SOBP: variants seen among roughly 807,000 people sequenced by gnomAD.
SOBP encodes the protein sine oculis binding protein homolog.
In SOBP, 4 loss-of-function variants were observed where a neutral mutation model predicts 53.6. The observed-to-expected ratio is 0.07, with a 90% CI of 0.04 to 0.17. SOBP has a LOEUF of 0.17. Ranked by LOEUF, SOBP falls within the 10% of genes least tolerant of loss-of-function variation. SOBP has a pLI of 1.00. For synonymous variants in SOBP, 584 were observed against 522.6 expected (o/e 1.12, Z -1.60); for missense variants, 1,088 against 1,204.7 (o/e 0.90, Z 1.43).
intron 3 of SOBP, among the ~76,000 whole-genome samples, chr6:107,521,483 G>T (rs896504357): frequency 3.9e-5 from 6 of 152,104 alleles, no homozygotes; most frequent in African/African-American, 1.4e-4. Context: ...AGAAACTATG[G>T]AAATCCAGGT....
At chr6:107,580,988 T>TTA (rs1203183339) in intron 4 of SOBP, among the ~76,000 whole-genome samples, 1 of 152,162 alleles carries the variant, frequency 6.6e-6, no homozygotes, top group Non-Finnish European at 1.5e-5. Flanking sequence ...AGCGATAGCG[T>TTA]TAAAGGATAG....
At chr6:107,648,613 A>G (rs898020055) in intron 6 of SOBP, among the ~76,000 whole-genome samples, 1 of 151,784 alleles carries the variant, frequency 6.6e-6, no homozygotes, top group African/African-American at 2.4e-5. Flanking sequence ...CTAAGGCACT[A>G]TACAGCTCTG....
chr6:107,565,701 C>T (rs376629824), intron 4 of SOBP, among the ~76,000 whole-genome samples: 2 of 152,116 alleles, frequency 1.3e-5, no homozygotes, highest in Non-Finnish European at 1.5e-5. Flanking sequence ...CACCTAATCT[C>T]TAGGCAATAG....
chr6:107,625,253 G>C (rs562712530), intron 5 of SOBP, among the ~76,000 whole-genome samples: 66 of 152,204 alleles, frequency 4.3e-4, no homozygotes, highest in Non-Finnish European at 8.1e-4. Flanking sequence ...AGAGTGTCCT[G>C]GAGATATTTG....
At chr6:107,576,364 A>G (rs1348159348) in intron 4 of SOBP, among the ~76,000 whole-genome samples, 1 of 152,228 alleles carries the variant, frequency 6.6e-6, no homozygotes, top group African/African-American at 2.4e-5. Context: ...ATCTTTACAT[A>G]TATAATACTC....
intron 3 of SOBP, among the ~76,000 whole-genome samples, chr6:107,507,285 A>G (rs1783023849): frequency 6.6e-6 from 1 of 151,954 alleles, no homozygotes; most frequent in South Asian, 2.1e-4. Context: ...TTAAAACATC[A>G]TGAGATTTTT....
At chr6:107,539,288 T>A (rs764396665) in intron 4 of SOBP, among the ~76,000 whole-genome samples, 2 of 152,256 alleles carry the variant, frequency 1.3e-5, no homozygotes, top group Non-Finnish European at 2.9e-5. Flanking sequence ...ATATTTTAAA[T>A]TAAATGTGAA....
chr6:107,634,434 C>T lies in SOBP; in HGVS notation c.1590C>T (p.Ile530=). 2 of 1,607,958 alleles carry T rather than the reference C, an allele frequency of 1.2e-6. No individual in the cohort carries two copies. The highest frequency in any genetic ancestry group is 8.5e-7 in the Non-Finnish European group (1 of 1,179,818). The stretch of plus-strand genomic sequence containing the variant: ...CCCTGCTCGTGCCGTACCCCGTGAT[C>T]GTGCCCCTACCGGTGCCCATCCCCA... ...PPTLLVPYPV[I]VPLPVPIPIP... Residue 530 remains isoleucine (I), a synonymous_variant, in exon 6 of 7, where the codon ATC becomes ATT. Transcript: ENST00000317357. The surrounding 1 kb of genome is among the most constrained non-coding windows in gnomAD (Gnocchi z 4.5).
intron 3 of SOBP, among the ~76,000 whole-genome samples, chr6:107,512,409 T>C (rs138332999): frequency 1.3e-5 from 2 of 152,364 alleles, no homozygotes; most frequent in Admixed American, 6.5e-5. Flanking sequence ...CATTAAGATA[T>C]TTGGCCTTCT....
At chr6:107,616,093 G>GGGA (rs1583276111) in intron 5 of SOBP, among the ~76,000 whole-genome samples, 1 of 121,380 alleles carries the variant, frequency 8.2e-6, no homozygotes, top group Non-Finnish European at 1.7e-5. Context: ...GTGGGGGGGG[G>GGGA]GCGGGGGGGC....
intron 5 of SOBP, among the ~76,000 whole-genome samples, chr6:107,609,302 T>A (rs180895764): frequency 6.6e-6 from 1 of 152,326 alleles, no homozygotes; most frequent in African/African-American, 2.4e-5. Flanking sequence ...CAGTGAATGA[T>A]CTTTGCACCC....
At position 107,599,257 on chromosome 6, in the gene SOBP, A is replaced by AT. The variant is rs1415482875; in HGVS notation, c.669+12083dup. ...TGCTGTAAAAGCTAAATGAGGTAAT[A>AT]TATATAGTGTGCTTGTCATTTAGCA... On this transcript the variant is annotated intron_variant, in intron 5 of 6. Transcript: ENST00000317357. 5.9e-5 allele frequency among the ~76,000 whole-genome samples: 9 copies of AT among 152,336 alleles called. No individual in the cohort carries two copies. In the East Asian group the frequency reaches 1.7e-3, roughly 29 times the overall value.
chr6:107,557,651 T>C (rs771262723), intron 4 of SOBP, among the ~76,000 whole-genome samples: 6 of 152,204 alleles, frequency 3.9e-5, no homozygotes, highest in African/African-American at 7.2e-5. Context: ...TTTCACTTTA[T>C]TTGGTCCCAT....
rs1782552926 is a variant in SOBP at position 107,490,568 on chromosome 6, C to T, written c.-49C>T. Reference sequence around the variant, plus strand: ...CCGCCGCCGCCGCCACCACCACCGCCGGCGGCGGCAGCAGCCATTTCATCT... The same window carrying T: ...CCGCCGCCGCCGCCACCACCACCGCTGGCGGCGGCAGCAGCCATTTCATCT... On this transcript the variant is annotated 5_prime_UTR_variant, in exon 1 of 7. Transcript: ENST00000317357. 7.0e-7 allele frequency: 1 copy of T among 1,424,300 alleles called. No homozygotes were observed. The highest frequency in any genetic ancestry group is 9.7e-7 in the Non-Finnish European group (1 of 1,029,602). 88.2% of individuals were successfully genotyped at this position (1,424,300 alleles called of 1,614,324 possible).
At chr6:107,567,306 A>G (rs1784946680) in intron 4 of SOBP, among the ~76,000 whole-genome samples, 1 of 152,192 alleles carries the variant, frequency 6.6e-6, no homozygotes, top group South Asian at 2.1e-4. Flanking sequence ...AAAATTATTA[A>G]AAATCCTTAT....
chr6:107,538,632 A>G (rs1212792972), intron 4 of SOBP, among the ~76,000 whole-genome samples: 1 of 152,134 alleles, frequency 6.6e-6, no homozygotes, highest in Non-Finnish European at 1.5e-5. Flanking sequence ...TTAGTACTGT[A>G]CTATAAGCCT....
intron 4 of SOBP, among the ~76,000 whole-genome samples, chr6:107,538,119 T>TTGGAAGAACCCA (rs771269525): frequency 6.6e-5 from 10 of 152,232 alleles, no homozygotes; most frequent in Non-Finnish European, 1.3e-4. Flanking sequence ...GACATTTCTT[T>TTGGAAGAACCCA]TGGAAGAACC....
intron 5 of SOBP, among the ~76,000 whole-genome samples, chr6:107,619,960 A>G (rs1051135640): frequency 7.2e-5 from 11 of 152,138 alleles, no homozygotes; most frequent in African/African-American, 2.4e-4. Flanking sequence ...CTGGAAGGTT[A>G]TGGTAAGGAT....
intron 6 of SOBP, among the ~76,000 whole-genome samples, chr6:107,638,286 C>T (rs1583300724): frequency 6.6e-6 from 1 of 152,250 alleles, no homozygotes; most frequent in Non-Finnish European, 1.5e-5. Context: ...CCTTGGCTCA[C>T]TGCAACCTCG....
Sources: gnomAD v4.1 joint callset for allele counts (sites outside exome capture counted in the v4.1 genomes callset) on GRCh38, gnomAD v4.1.1 for gene constraint, Gnocchi (gnomAD v3.1) non-coding constraint, MANE v1.5 for transcripts, NCBI Gene and HGNC (gene_info 2026-07-23, HGNC 2026-07-21) for gene names.